Variants in HNRNPUL2 observed in about 807,000 individuals in gnomAD.
HNRNPUL2 encodes the protein heterogeneous nuclear ribonucleoprotein U-like protein 2.
In HNRNPUL2, 27 loss-of-function variants were observed where a neutral mutation model predicts 102.2. That is an observed-to-expected ratio of 0.26 (90% CI 0.19 to 0.36). The LOEUF (loss-of-function observed/expected upper bound fraction) is 0.36, where lower values mean the gene tolerates loss of function less well. HNRNPUL2 is among the 10% of genes least tolerant of loss of function. The pLI is 1.00. For synonymous variants in HNRNPUL2, 458 were observed against 387.2 expected, an observed-to-expected ratio of 1.18 and a Z score of -2.15; for missense variants, 936 against 981.1, an observed-to-expected ratio of 0.95 and a Z score of 0.61.
At chr11:62,716,902 G>T in intron 11 of HNRNPUL2, 87 bp downstream of exon 11, 2 of 1,422,744 alleles carry the variant, frequency 1.4e-6, no homozygotes, top group Non-Finnish European at 2.0e-6. Context: ...ACCTGACTTG[G>T]TTTCCTTGGC....
Position 62,713,795 on chromosome 11 carries a change from G to C in HNRNPUL2, c.*1504C>G, listed in dbSNP as rs2083637203. On this transcript the variant is annotated 3_prime_UTR_variant, in exon 14 of 14. Coordinates refer to ENST00000301785, the MANE Select transcript of HNRNPUL2 (RefSeq NM_001079559.3). ...TCACTAGGAACTGCTGCAGTATGTG[G>C]TGTCTGCTGAGTAAGCTCTTGGCTG... 6.6e-6 allele frequency: 1 copy of C among 152,264 alleles called. No individual in the cohort carries two copies. Among genetic ancestry groups the C allele is most frequent in the Non-Finnish European group, 1.5e-5 (1 of 68,072 alleles). 9.4% of individuals were successfully genotyped at this position (152,264 alleles called of 1,614,324 possible).
Position 62,723,990 on chromosome 11 carries a change from G to A in HNRNPUL2, c.675C>T (p.Arg225=), listed in dbSNP as rs749367558. 3.1e-6 allele frequency: 5 copies of A among 1,611,622 alleles called. No homozygotes were observed. Among genetic ancestry groups the A allele is most frequent in the Admixed American group, 1.7e-5 (1 of 60,002 alleles). The change falls in exon 3 of 14, where the codon CGC becomes CGT. Residue 225 remains arginine, a splice_region_variant and synonymous_variant. Coordinates refer to ENST00000301785, the MANE Select transcript of HNRNPUL2 (RefSeq NM_001079559.3). ...YEFREEAYHS[R]SKSPLPPEEE... is the part of the protein sequence containing the mutation. Reference sequence around the variant, plus strand: ...CTTCAGGAGGCAGTGGAGACTTTGAGCTATATATGTAAGATAGAAAAGAAA... The same window carrying A: ...CTTCAGGAGGCAGTGGAGACTTTGAACTATATATGTAAGATAGAAAAGAAA...
At chr11:62,720,450 G>C (rs12295896) in intron 9 of HNRNPUL2, among the ~76,000 whole-genome samples, 1 of 151,246 alleles carries the variant, frequency 6.6e-6, no homozygotes, top group Admixed American at 6.6e-5. Context: ...AGGCTGAGAC[G>C]GAAGAATCGC....
At chr11:62,724,850 C>T (rs2083732005) in intron 1 of HNRNPUL2, among the ~76,000 whole-genome samples, 1 of 152,224 alleles carries the variant, frequency 6.6e-6, no homozygotes, top group African/African-American at 2.4e-5. Flanking sequence ...CACTTTTCCA[C>T]ACCTTCATGA....
Position 62,727,243 on chromosome 11 carries a change from C to CCG in HNRNPUL2, c.-88_-87insCG. 2.3e-6 allele frequency: 3 copies of CCG among 1,296,642 alleles called. No individual in the cohort carries two copies. Among genetic ancestry groups the CCG allele is most frequent in the East Asian group, 3.3e-5 (1 of 29,902 alleles). 80.3% of individuals were successfully genotyped at this position (1,296,642 alleles called of 1,614,324 possible). On this transcript the variant is annotated 5_prime_UTR_variant, in exon 1 of 14. Coordinates refer to ENST00000301785, the MANE Select transcript of HNRNPUL2 (RefSeq NM_001079559.3). ...GACCGCGCAGGCGCCGCCGCCGCCG[C>CCG]CCGCCTCCGCCTCACGCGCCAGCAC...
At chr11:62,725,730 A>G (rs1054090128) in intron 1 of HNRNPUL2, among the ~76,000 whole-genome samples, 1 of 152,162 alleles carries the variant, frequency 6.6e-6, no homozygotes, top group Admixed American at 6.5e-5. Flanking sequence ...TCGGACACAC[A>G]CTGTTATGGA....
chr11:62,726,430 C>T (rs1457438112), intron 1 of HNRNPUL2, among the ~76,000 whole-genome samples, 189 bp downstream of exon 1: 1 of 152,228 alleles, frequency 6.6e-6, no homozygotes, highest in East Asian at 1.9e-4. Flanking sequence ...AACCTTCCTC[C>T]TGCAAAGAGT....
rs1180592080 is a variant in HNRNPUL2, at chr11:62,722,199, T to G, written c.1277A>C (p.Glu426Ala). ...QKEEPFFPPP[E>A]EFVFIHAVPV... Reference sequence around the variant, plus strand: ...CACAGCATGAATGAACACAAACTCTTCTGGTGGTGGGAAGAAGGGCTCCTC... The same window carrying G: ...CACAGCATGAATGAACACAAACTCTGCTGGTGGTGGGAAGAAGGGCTCCTC... Residue 426 changes from glutamate to alanine, a missense_variant, in exon 7 of 14, where the codon GAA (glutamate) becomes GCA (alanine). Coordinates refer to ENST00000301785, the MANE Select transcript of HNRNPUL2 (RefSeq NM_001079559.3). 1.2e-6 allele frequency: 2 copies of G among 1,614,158 alleles called. No individual in the cohort carries two copies. Among genetic ancestry groups the G allele is most frequent in the Admixed American group, 3.3e-5 (2 of 60,012 alleles).
rs1384443757 is a variant in HNRNPUL2, at chr11:62,726,626, C to T, written c.531G>A (p.Glu177=). The T allele has an allele frequency of 1.3e-6, 2 of 1,585,788 alleles. No homozygotes were observed. The highest frequency in any genetic ancestry group is 1.7e-6 in the Non-Finnish European group (2 of 1,172,828). Residue 177 remains glutamate, a synonymous_variant, in exon 1 of 14, where the codon GAG becomes GAA. Transcript: ENST00000301785. ...GSEVPGDKAA[E]EQGDDQDSEK... ...CGGCTGCCAGCTCCTCACCCTGTTC[C>T]TCGGCGGCCTTGTCACCCGGCACCT...
At chr11:62,723,495 A>T in intron 4 of HNRNPUL2, 92 bp downstream of exon 4, 1 of 1,360,732 alleles carries the variant, frequency 7.3e-7, no homozygotes, top group South Asian at 1.5e-5. Flanking sequence ...CCATCTCAAA[A>T]AAAAAGAGAT....
chr11:62,719,028 A>G (rs1370986479), intron 10 of HNRNPUL2, among the ~76,000 whole-genome samples: 2 of 151,902 alleles, frequency 1.3e-5, no homozygotes, highest in Non-Finnish European at 2.9e-5. Context: ...GGGTTTCACC[A>G]TCTTGGCCAG....
Position 62,722,718 on chromosome 11 carries a change from A to C in HNRNPUL2, c.983-5T>G. The stretch of plus-strand genomic sequence containing the variant: ...CGTAAGAGAATTCATCTTCACCTAG[A>C]ACAGTCAACAAATTAGTTACCTACA... On this transcript the variant is annotated splice_region_variant and splice_polypyrimidine_tract_variant and intron_variant, in intron 5 of 13. Coordinates refer to ENST00000301785, the MANE Select transcript of HNRNPUL2 (RefSeq NM_001079559.3). The C allele has an allele frequency of 6.2e-7, 1 of 1,612,300 alleles. No individual in the cohort carries two copies. The highest frequency in any genetic ancestry group is 8.5e-7 in the Non-Finnish European group (1 of 1,178,290).
rs867292507 is a variant in HNRNPUL2, at chr11:62,726,911, C to A, written c.246G>T (p.Glu82Asp). The change falls in exon 1 of 14, where the codon GAG becomes GAT. Residue 82 changes from glutamate to aspartate, a missense_variant. Coordinates refer to ENST00000301785, the MANE Select transcript of HNRNPUL2 (RefSeq NM_001079559.3). ...CAAGCAGCGCCTCCTCGTCCTCCTC[C>A]TCCTCCTCTTCGTCCTCCTCCTCGT... ...GGDEEEDEEE[E>D]EEDEEALLED... 5 of 1,545,736 alleles carry A rather than the reference C, an allele frequency of 3.2e-6. No homozygotes were observed. In the Admixed American group the frequency reaches 9.4e-5, roughly 29 times the overall value.
Position 62,716,969 on chromosome 11 carries a change from G to C in HNRNPUL2, c.1981+20C>G. 1.9e-6 allele frequency: 3 copies of C among 1,611,460 alleles called. No individual in the cohort carries two copies. The highest frequency in any genetic ancestry group is 1.7e-6 in the Non-Finnish European group (2 of 1,179,252). ...AAAGAATGGACTGAAGTAGGGGGCT[G>C]GCAGGTCCCCAAGACTCACCATAGC... On this transcript the variant is annotated intron_variant, in intron 11 of 13. Coordinates refer to ENST00000301785, the MANE Select transcript of HNRNPUL2 (RefSeq NM_001079559.3).
At chr11:62,715,770 G>T in intron 12 of HNRNPUL2, 94 bp downstream of exon 12, 2 of 1,262,208 alleles carry the variant, frequency 1.6e-6, no homozygotes, top group Non-Finnish European at 2.3e-6. Flanking sequence ...AAAACCCTAA[G>T]CCCTAAGAAA....
chr11:62,726,988 A>G lies in HNRNPUL2; in HGVS notation c.169T>C (p.Cys57Arg), dbSNP rs1565165443. 8 of 1,358,696 alleles carry G rather than the reference A, an allele frequency of 5.9e-6. No homozygotes were observed. The highest frequency in any genetic ancestry group is 7.6e-6 in the Non-Finnish European group (8 of 1,056,220). The allele number at this position is 1,358,696 out of a possible 1,614,324, so 84.2% of individuals were successfully genotyped here. A position where few individuals can be genotyped will look rare whatever the true frequency, so the allele number is the denominator to read the frequency against. Residue 57 changes from cysteine (C) to arginine (R), a missense_variant, in exon 1 of 14, where the codon TGC (cysteine) becomes CGC (arginine). Physicochemically the swap from Cys to Arg is radical, Grantham distance 180 (BLOSUM62 -3). This residue lies in a region of HNRNPUL2 where 327 missense variants were observed against 268.1 expected (regional missense o/e 1.22). Coordinates refer to ENST00000301785, the MANE Select transcript of HNRNPUL2 (RefSeq NM_001079559.3). Reference sequence around the variant, plus strand: ...GCCACAGGCCGAGGCTCCGCCTTGCAGGCCCCGCCGGGCCCGGCCCCGCCG... The same window carrying G: ...GCCACAGGCCGAGGCTCCGCCTTGCGGGCCCCGCCGGGCCCGGCCCCGCCG... ...GGGGAGPGGA[C>R]KAEPRPVAAS...
chr11:62,722,942 C>A, intron 4 of HNRNPUL2, 39 bp from the exon 5 acceptor site: 1 of 1,502,390 alleles, frequency 6.7e-7, no homozygotes, highest in Non-Finnish European at 9.2e-7. Flanking sequence ...ATATTGTGAC[C>A]AACTGAGTAG....
chr11:62,716,069 CAT>C (rs1048973746), intron 11 of HNRNPUL2, 132 bp from the exon 12 acceptor site: 49 of 609,398 alleles, frequency 8.0e-5, no homozygotes, highest in Non-Finnish European at 1.2e-4. Context: ...CAGGCTCACA[CAT>C]GTTAATTAAA....
chr11:62,725,065 G>A (rs1479723965), intron 1 of HNRNPUL2, among the ~76,000 whole-genome samples: 2 of 152,294 alleles, frequency 1.3e-5, no homozygotes. Context: ...CACATTTGGG[G>A]CAGAAAGGTG....
Sources: gnomAD v4.1 joint callset for allele counts (sites outside exome capture counted in the v4.1 genomes callset) on GRCh38, gnomAD v4.1.1 for gene constraint, gnomAD v4.1.1 regional missense constraint, MANE v1.5 for transcripts, NCBI Gene and HGNC (gene_info 2026-07-23, HGNC 2026-07-21) for gene names.